Variants in TNFRSF1A observed in about 807,000 individuals in gnomAD.
The protein encoded by TNFRSF1A is tumor necrosis factor receptor superfamily member 1A.
In TNFRSF1A, 9 loss-of-function variants were observed where a neutral mutation model predicts 41.6. That is an observed-to-expected ratio of 0.22 (90% CI 0.13 to 0.38). The LOEUF (loss-of-function observed/expected upper bound fraction) is 0.38. TNFRSF1A is among the 10% of genes least tolerant of loss of function. The pLI is 1.00. For synonymous variants in TNFRSF1A, 254 were observed against 248.6 expected (o/e 1.02, Z -0.21); for missense variants, 463 against 591.5 (o/e 0.78, Z 2.25).
rs201257071 is a variant in TNFRSF1A at position 6,333,191 on chromosome 12, C to A, written c.473-44G>T. On this transcript the variant is annotated intron_variant, in intron 4 of 9. Transcript: ENST00000162749. This position sits in a 1 kb window ranked among gnomAD's most constrained non-coding sequence, Gnocchi z 6.3. ...CACAGCTAAAGGAGAAGCGCCTGCA[C>A]CCCCACCCCACAGGACAGAGGAAGT... is the stretch of plus-strand genomic sequence containing the variant. 6.3e-7 allele frequency: 1 copy of A among 1,597,182 alleles called. No homozygotes were observed. Among genetic ancestry groups the A allele is most frequent in the Non-Finnish European group, 8.6e-7 (1 of 1,166,074 alleles).
Position 6,341,818 on chromosome 12 carries a change from A to T in TNFRSF1A, c.-4T>A, listed in dbSNP as rs1737553618. On this transcript the variant is annotated 5_prime_UTR_variant, in exon 1 of 10. Transcript: ENST00000162749. The surrounding 1 kb of genome is among the most constrained non-coding windows in gnomAD (Gnocchi z 4.6). The stretch of plus-strand genomic sequence containing the variant: ...CAGGCACGGTGGAGAGGCCCATGCC[A>T]GACAGCTATGGCCTCTCACTCCCCC... 1.2e-6 allele frequency: 2 copies of T among 1,614,092 alleles called. No homozygotes were observed.
rs1001957616 is a variant in TNFRSF1A, at chr12:6,341,030, G to T, written c.39+746C>A. On this transcript the variant is annotated intron_variant, in intron 1 of 9. Coordinates refer to ENST00000162749, the MANE Select transcript of TNFRSF1A (RefSeq NM_001065.4). This position sits in a 1 kb window ranked among gnomAD's most constrained non-coding sequence, Gnocchi z 4.6. ...CAGGCCCAGGGACACTGACCAGGTG[G>T]GGGTAGGACTAGCTCCCTGGGAAGG... Among the ~76,000 whole-genome samples, 1 of 152,164 alleles carries T rather than the reference G, an allele frequency of 6.6e-6. No homozygotes were observed. Among genetic ancestry groups the T allele is most frequent in the Non-Finnish European group, 1.5e-5 (1 of 68,014 alleles).
chr12:6,341,932 A>C lies in TNFRSF1A; in HGVS notation c.-118T>G, dbSNP rs568551051. On this transcript the variant is annotated 5_prime_UTR_variant, in exon 1 of 10. Coordinates refer to ENST00000162749, the MANE Select transcript of TNFRSF1A (RefSeq NM_001065.4). This position sits in a 1 kb window ranked among gnomAD's most constrained non-coding sequence, Gnocchi z 4.6. ...GACGTCCCAAGTGCCTTGGGGTGAC[A>C]GTTGAGGGTTGAGACTCGGGCATAG... The C allele has an allele frequency of 1.8e-6, 2 of 1,102,576 alleles. No individual in the cohort carries two copies. Among genetic ancestry groups the C allele is most frequent in the African/African-American group, 3.1e-5 (2 of 65,158 alleles). The allele number at this position is 1,102,576 out of a possible 1,614,324, so 68.3% of individuals were successfully genotyped here.
Position 6,341,738 on chromosome 12 carries a change from G to T in TNFRSF1A, c.39+38C>A. ...GCCCACGCCAGCCGGAAGGTGCCTC[G>T]CCCACCAGCCCACTCTTCCCTTTGT... On this transcript the variant is annotated intron_variant, in intron 1 of 9. Coordinates refer to ENST00000162749, the MANE Select transcript of TNFRSF1A (RefSeq NM_001065.4). This position sits in a 1 kb window ranked among gnomAD's most constrained non-coding sequence, Gnocchi z 4.6. 1 of 1,612,804 alleles carries T rather than the reference G, an allele frequency of 6.2e-7. No individual in the cohort carries two copies. Among genetic ancestry groups the T allele is most frequent in the Admixed American group, 1.7e-5 (1 of 60,012 alleles).
At chr12:6,330,091 A>ATT in intron 8 of TNFRSF1A, 25 bp from the exon 9 acceptor site, 1 of 1,612,364 alleles carries the variant, frequency 6.2e-7, no homozygotes, top group Non-Finnish European at 8.5e-7. Context: ...GTGGCGCAGC[A>ATT]TTAGTGCGGC....
In TNFRSF1A at chr12:6,334,116, C is replaced by T. The variant is rs104895280; in HGVS notation, c.168G>A (p.Ser56=). The change falls in exon 2 of 10, where the codon TCG becomes TCA. Residue 56 remains serine (S), a synonymous_variant. Transcript: ENST00000162749. The surrounding 1 kb of genome is among the most constrained non-coding windows in gnomAD (Gnocchi z 5.1). ...CTTTGTGGCACTTGGTACAGCAAATCGAATTATTTTGAGGGTGGATATATT... is the reference window on the plus strand; with the variant it reads ...CTTTGTGGCACTTGGTACAGCAAATTGAATTATTTTGAGGGTGGATATATT... ...QGKYIHPQNN[S]ICCTKCHKGT... is the part of the protein sequence containing the mutation. 1.9e-5 allele frequency: 30 copies of T among 1,614,056 alleles called. No individual in the cohort carries two copies. Among genetic ancestry groups the T allele is most frequent in the Admixed American group, 1.2e-4 (7 of 60,008 alleles).
chr12:6,329,590 C>T lies in TNFRSF1A; in HGVS notation c.1090G>A (p.Glu364Lys). The T allele has an allele frequency of 2.5e-6, 4 of 1,592,970 alleles. No individual in the cohort carries two copies. The highest frequency in any genetic ancestry group is 3.4e-6 in the Non-Finnish European group (4 of 1,175,238). The change falls in exon 10 of 10, where the codon GAG (glutamate) becomes AAG (lysine). Residue 364 changes from glutamate (E) to lysine (K), a missense_variant. Coordinates refer to ENST00000162749, the MANE Select transcript of TNFRSF1A (RefSeq NM_001065.4). ...DDPATLYAVV[E>K]NVPPLRWKEF... The stretch of plus-strand genomic sequence containing the variant: ...TTCCAGCGCAACGGGGGCACGTTCT[C>T]CACCACGGCGTACAGCGTCGCGGGG...
In TNFRSF1A at chr12:6,329,524, C is replaced by G; in HGVS notation, c.1156G>C (p.Asp386His). The change falls in exon 10 of 10, where the codon GAT becomes CAT. Residue 386 changes from aspartate to histidine, a missense_variant. Physicochemically the swap from Asp to His is moderately conservative, Grantham distance 81 (BLOSUM62 -1). Around this residue, in one of 4 missense-constraint regions of TNFRSF1A, gnomAD observed 277 missense variants for 288.8 expected, o/e 0.96. Coordinates refer to ENST00000162749, the MANE Select transcript of TNFRSF1A (RefSeq NM_001065.4). ...RRLGLSDHEI[D>H]RLELQNGRCL... Reference sequence around the variant, plus strand: ...CGCCCGTTCTGCAGCTCCAGCCGATCGATCTCGTGGTCGCTCAGCCCTAGG... The same window carrying G: ...CGCCCGTTCTGCAGCTCCAGCCGATGGATCTCGTGGTCGCTCAGCCCTAGG... 1 of 1,595,046 alleles carries G rather than the reference C, an allele frequency of 6.3e-7. No individual in the cohort carries two copies. The highest frequency in any genetic ancestry group is 8.5e-7 in the Non-Finnish European group (1 of 1,177,998).
In TNFRSF1A at chr12:6,333,127, C is replaced by T; in HGVS notation, c.493G>A (p.Val165Met). 5.0e-6 allele frequency: 8 copies of T among 1,614,238 alleles called. No individual in the cohort carries two copies. The highest frequency in any genetic ancestry group is 1.1e-5 in the South Asian group (1 of 91,086). Residue 165 changes from valine to methionine, a missense_variant, in exon 5 of 10, where the codon GTG (valine) becomes ATG (methionine). Val to Met is a conservative substitution (Grantham distance 21). Transcript: ENST00000162749. This position sits in a 1 kb window ranked among gnomAD's most constrained non-coding sequence, Gnocchi z 6.3. ...HLSCQEKQNT[V>M]CTCHAGFFLR... ...AAGAAACCTGCATGGCAGGTGCACA[C>T]GGTGTTCTGTTTCTCCTGGCCTGTA... is the stretch of plus-strand genomic sequence containing the variant.
rs768572402 is a variant in TNFRSF1A, at chr12:6,330,065, C to G, written c.770G>C (p.Gly257Ala). The G allele has an allele frequency of 3.7e-6, 6 of 1,612,830 alleles. No individual in the cohort carries two copies. The highest frequency in any genetic ancestry group is 5.1e-6 in the Non-Finnish European group (6 of 1,179,978). Residue 257 changes from glycine (G) to alanine (A), a missense_variant and splice_region_variant, in exon 9 of 10, where the codon GGG becomes GCG. Transcript: ENST00000162749. ...VCGKSTPEKE[G>A]ELEGTTTKPL... ...CTTAGTAGTAGTTCCTTCAAGCTCC[C>G]CCTGAAAGAGAGAAGGTGGCGCAGC...
At chr12:6,338,579 CT>C (rs11344522) in intron 1 of TNFRSF1A, among the ~76,000 whole-genome samples, 54,742 of 136,524 alleles carry the variant, frequency 0.4, 10,313 homozygotes, top group Non-Finnish European at 0.43. Context: ...TGCCTCACTA[CT>C]TTTTTTTTTT....
At chr12:6,335,993 T>G (rs1047440403) in intron 1 of TNFRSF1A, among the ~76,000 whole-genome samples, 1 of 152,154 alleles carries the variant, frequency 6.6e-6, no homozygotes, top group Non-Finnish European at 1.5e-5. Context: ...AGAACAGGAC[T>G]GGGGCTTCCA....
intron 1 of TNFRSF1A, among the ~76,000 whole-genome samples, chr12:6,335,375 G>A (rs1948107504): frequency 6.6e-6 from 1 of 152,154 alleles, no homozygotes; most frequent in Non-Finnish European, 1.5e-5. Context: ...TAGCGACCCA[G>A]CTTGGATGAC....
At position 6,334,331 on chromosome 12, in the gene TNFRSF1A, C is replaced by G; in HGVS notation, c.40-87G>C. 1 of 1,220,540 alleles carries G rather than the reference C, an allele frequency of 8.2e-7. No individual in the cohort carries two copies. Among genetic ancestry groups the G allele is most frequent in the African/African-American group, 1.5e-5 (1 of 66,536 alleles). The allele number at this position is 1,220,540 out of a possible 1,614,324, so 75.6% of individuals were successfully genotyped here. A position where few individuals can be genotyped will look rare whatever the true frequency, so the allele number is the denominator to read the frequency against. On this transcript the variant is annotated intron_variant, in intron 1 of 9. Transcript: ENST00000162749. The surrounding 1 kb of genome is among the most constrained non-coding windows in gnomAD (Gnocchi z 5.1). Reference sequence around the variant, plus strand: ...TAGCAGATCTAAAACTTCCCTGGCTCAAGTCCTTCCTCAGTGAAACATTCC... The same window carrying G: ...TAGCAGATCTAAAACTTCCCTGGCTGAAGTCCTTCCTCAGTGAAACATTCC...
Position 6,329,907 on chromosome 12 carries a change from G to T in TNFRSF1A, c.928C>A (p.Pro310Thr). The change falls in exon 9 of 10, where the codon CCC becomes ACC. Residue 310 changes from proline (P) to threonine (T), a missense_variant. Transcript: ENST00000162749. ...TPGDCPNFAA[P>T]RREVAPPYQG... is the part of the protein sequence containing the mutation. ...TAGGGTGGTGCCACCTCTCTGCGGG[G>T]AGCCGCAAAGTTGGGACAGTCACCG... 14 of 1,574,698 alleles carry T rather than the reference G, an allele frequency of 8.9e-6. No homozygotes were observed. The highest frequency in any genetic ancestry group is 1.2e-5 in the Non-Finnish European group (14 of 1,159,058).
chr12:6,329,846 G>A lies in TNFRSF1A; in HGVS notation c.989C>T (p.Ala330Val), dbSNP rs770271714. Residue 330 changes from alanine (A) to valine (V), a missense_variant, in exon 9 of 10, where the codon GCC becomes GTC. Transcript: ENST00000162749. ...GADPILATALASDPIPNPLQK... is the reference protein window; with the variant it reads ...GADPILATALVSDPIPNPLQK... ...AAGGGGGTTGGGGATGGGGTCGGAG[G>A]CGAGGGCTGTCGCAAGGATGGGGTC... 6.2e-7 allele frequency: 1 copy of A among 1,603,074 alleles called. No individual in the cohort carries two copies. The highest frequency in any genetic ancestry group is 8.5e-7 in the Non-Finnish European group (1 of 1,175,590).
chr12:6,334,017 GAAC>G lies in TNFRSF1A; in HGVS notation c.193+71_193+73del. The G allele has an allele frequency of 8.1e-6, 13 of 1,611,486 alleles. No homozygotes were observed. The highest frequency in any genetic ancestry group is 1.1e-5 in the Non-Finnish European group (13 of 1,177,668). On this transcript the variant is annotated intron_variant, in intron 2 of 9. Coordinates refer to ENST00000162749, the MANE Select transcript of TNFRSF1A (RefSeq NM_001065.4). This position sits in a 1 kb window ranked among gnomAD's most constrained non-coding sequence, Gnocchi z 5.1. Reference sequence around the variant, plus strand: ...CAGGAGAGACAGCAAAGTTAGGGAAGAACAACTGGAAGAAGCAGAGAAAGAAGC... The same window carrying G: ...CAGGAGAGACAGCAAAGTTAGGGAAGAACTGGAAGAAGCAGAGAAAGAAGC...
rs4149642 is a variant in TNFRSF1A, at chr12:6,331,342, T to A, written c.552-416A>T. On this transcript the variant is annotated intron_variant, in intron 5 of 9. Transcript: ENST00000162749. The stretch of plus-strand genomic sequence containing the variant: ...TGAGAAGGTAGCCAGCTAGCTGTTA[T>A]GGGATTGTTGTTTCATCACTGTTTT... The A allele has an allele frequency of 2.2e-3, 671 of 300,110 alleles. 7 individuals carry two copies. The highest frequency in any genetic ancestry group is 0.013 in the African/African-American group (617 of 46,238). The allele number at this position is 300,110 out of a possible 1,614,324, so 18.6% of individuals were successfully genotyped here.
At chr12:6,332,634 G>A (rs1447152768) in intron 5 of TNFRSF1A, among the ~76,000 whole-genome samples, 1 of 151,920 alleles carries the variant, frequency 6.6e-6, no homozygotes, top group African/African-American at 2.4e-5. Context: ...TGACTAATGA[G>A]GAAATACCAT....
Sources: gnomAD v4.1 joint callset for allele counts (sites outside exome capture counted in the v4.1 genomes callset) on GRCh38, gnomAD v4.1.1 for gene constraint, gnomAD v4.1.1 regional missense constraint, Gnocchi (gnomAD v3.1) non-coding constraint, MANE v1.5 for transcripts, NCBI Gene and HGNC (gene_info 2026-07-23, HGNC 2026-07-21) for gene names.